Variants in NUP210 observed in about 807,000 individuals in gnomAD.
NUP210 encodes nuclear pore membrane glycoprotein 210.
Under a neutral mutation model 196.0 loss-of-function variants are expected in NUP210, and 151 were observed. The observed-to-expected ratio is 0.77, with a 90% CI of 0.67 to 0.88. The LOEUF (loss-of-function observed/expected upper bound fraction) is 0.88. NUP210 is among the 40% of genes least tolerant of loss of function. The probability of loss-of-function intolerance (pLI) is 0.00; values close to 1 mark genes in which losing one functional copy is unlikely to be tolerated. For synonymous variants in NUP210, 1,070 were observed against 1,052.7 expected (o/e 1.02, Z -0.32); for missense variants, 2,314 against 2,493.7 (o/e 0.93, Z 1.53).
At chr3:13,329,685 A>C (rs778903205) in intron 30 of NUP210, among the ~76,000 whole-genome samples, 1 of 152,242 alleles carries the variant, frequency 6.6e-6, no homozygotes, top group African/African-American at 2.4e-5. Flanking sequence ...GGCAGAGTCT[A>C]AAGATTTAAG....
chr3:13,420,255 T>A lies in NUP210; in HGVS notation c.-29A>T, dbSNP rs1576438428. The A allele has an allele frequency of 1.9e-6, 2 of 1,059,516 alleles. No homozygotes were observed. The highest frequency in any genetic ancestry group is 1.4e-4 in the East Asian group (2 of 14,700). 65.6% of individuals were successfully genotyped at this position (1,059,516 alleles called of 1,614,324 possible). On this transcript the variant is annotated 5_prime_UTR_variant, in exon 1 of 40. Coordinates refer to ENST00000254508, the MANE Select transcript of NUP210 (RefSeq NM_024923.4). The surrounding 1 kb of genome is among the most constrained non-coding windows in gnomAD (Gnocchi z 4.8). ...CGCCGCGCGTCACCTCCCGCGACCC[T>A]GCGCCCGGCCGCCCGCGCCGCCCCG...
rs762991262 is a variant in NUP210, at chr3:13,340,700, C to T, written c.3229-402G>A. Among the ~76,000 whole-genome samples the T allele has an allele frequency of 6.6e-6, 1 of 152,152 alleles. No individual in the cohort carries two copies. Among genetic ancestry groups the T allele is most frequent in the Non-Finnish European group, 1.5e-5 (1 of 68,012 alleles). On this transcript the variant is annotated intron_variant, in intron 23 of 39. Transcript: ENST00000254508. This position sits in a 1 kb window ranked among gnomAD's most constrained non-coding sequence, Gnocchi z 4.0. Reference sequence around the variant, plus strand: ...GCAATGTACAGCCCCAGCCACCTGGCCTGTGGAGCCAGGGGTGGCCCCACA... The same window carrying T: ...GCAATGTACAGCCCCAGCCACCTGGTCTGTGGAGCCAGGGGTGGCCCCACA...
intron 23 of NUP210, 111 bp downstream of exon 23, chr3:13,341,637 A>G (rs1225839000): frequency 7.8e-7 from 1 of 1,281,314 alleles, no homozygotes; most frequent in East Asian, 2.4e-5. Flanking sequence ...ATTGTGGGAC[A>G]CAGATTTTTA....
chr3:13,330,732 C>T (rs933339661), intron 29 of NUP210, 98 bp from the exon 30 acceptor site: 2 of 1,221,580 alleles, frequency 1.6e-6, no homozygotes, highest in Non-Finnish European at 2.3e-6. Context: ...GCTCCTCATG[C>T]TCCTGGGAGG....
At chr3:13,408,177 T>G (rs1238982425) in intron 1 of NUP210, among the ~76,000 whole-genome samples, 2 of 152,228 alleles carry the variant, frequency 1.3e-5, no homozygotes, top group Non-Finnish European at 2.9e-5. Context: ...ATTACACTGA[T>G]TTTTTAAAAA....
chr3:13,365,220 C>T (rs1698489601), intron 14 of NUP210, among the ~76,000 whole-genome samples: 1 of 152,212 alleles, frequency 6.6e-6, no homozygotes, highest in Non-Finnish European at 1.5e-5. Flanking sequence ...AATAACTAAC[C>T]CTTCCTGAGC....
At chr3:13,317,891 G>GTGTGTCC in intron 39 of NUP210, 110 bp from the exon 40 acceptor site, 1 of 747,330 alleles carries the variant, frequency 1.3e-6, no homozygotes, top group East Asian at 2.7e-5. Flanking sequence ...CACTCTCACA[G>GTGTGTCC]TGATGCCCCG....
chr3:13,344,976 C>T (rs1420425340), intron 20 of NUP210: 2 of 985,316 alleles, frequency 2.0e-6, no homozygotes, highest in African/African-American at 3.5e-5. Flanking sequence ...GGGGCTGGTC[C>T]TGCCGGGTGC....
chr3:13,338,256 A>C (rs1281329787), intron 25 of NUP210, among the ~76,000 whole-genome samples: 1 of 152,142 alleles, frequency 6.6e-6, no homozygotes, highest in Non-Finnish European at 1.5e-5. Flanking sequence ...CTCAAGCAAA[A>C]GGTCTCCAGG....
chr3:13,321,791 G>A lies in NUP210; in HGVS notation c.4960C>T (p.Gln1654Ter). 6.2e-7 allele frequency: 1 copy of A among 1,610,962 alleles called. No homozygotes were observed. Among genetic ancestry groups the A allele is most frequent in the Non-Finnish European group, 8.5e-7 (1 of 1,180,018 alleles). The stretch of plus-strand genomic sequence containing the variant: ...TTCTTCATGCTCAGGTGCTTCCGCT[G>A]CTTGTCCGTCAGCCTGTGCATTGTG... The part of the protein sequence containing the change: ...SITMHRLTDK[Q>*]RKHLSMKKTA... The change falls in exon 36 of 40, where the codon CAG (glutamine) becomes TAG (stop). Residue 1654 changes from glutamine (Q) to a stop codon, truncating the protein, a stop_gained. Transcript: ENST00000254508. LOFTEE classifies it high-confidence loss of function.
At position 13,418,216 on chromosome 3, in the gene NUP210, C is replaced by A. The variant is rs549167891; in HGVS notation, c.167+1844G>T. Among the ~76,000 whole-genome samples, 19 of 152,316 alleles carry A rather than the reference C, an allele frequency of 1.2e-4. No individual in the cohort carries two copies. In the South Asian group the frequency reaches 3.7e-3, roughly 30 times the overall value. ...TCTGGCATCAGGCCAGAAATAGGAG[C>A]CTCCAGGTGCATAAAGCACTAAAAC... On this transcript the variant is annotated intron_variant, in intron 1 of 39. Transcript: ENST00000254508.
intron 1 of NUP210, among the ~76,000 whole-genome samples, chr3:13,410,912 T>A (rs1405449701): frequency 9.9e-6 from 1 of 101,442 alleles, no homozygotes; most frequent in Non-Finnish European, 1.9e-5. Flanking sequence ...AGCAAGACTC[T>A]GTCTCAAAAA....
chr3:13,317,927 G>A (rs1696339337), intron 39 of NUP210, 146 bp from the exon 40 acceptor site: 3 of 619,438 alleles, frequency 4.8e-6, no homozygotes, highest in Admixed American at 2.9e-5. Flanking sequence ...GCAGAGGGAA[G>A]TCCACGGGCA....
chr3:13,380,433 TG>T (rs1699062940), intron 6 of NUP210, among the ~76,000 whole-genome samples: 1 of 152,152 alleles, frequency 6.6e-6, no homozygotes, highest in South Asian at 2.1e-4. Context: ...TCAATAGCCC[TG>T]GGAACACGCT....
At chr3:13,412,231 CTTT>C (rs71066953) in intron 1 of NUP210, among the ~76,000 whole-genome samples, 1 of 104,782 alleles carries the variant, frequency 9.5e-6, no homozygotes, top group Non-Finnish European at 1.8e-5. Flanking sequence ...TTTTCCTTTT[CTTT>C]TTTTTTTTTT....
intron 18 of NUP210, among the ~76,000 whole-genome samples, chr3:13,352,448 C>T (rs549548624): frequency 6.6e-6 from 1 of 152,238 alleles, no homozygotes; most frequent in African/African-American, 2.4e-5. Flanking sequence ...ACCCACCAGG[C>T]CCCAGTGGTG....
chr3:13,349,468 T>A (rs1697891073), intron 20 of NUP210, among the ~76,000 whole-genome samples: 1 of 152,146 alleles, frequency 6.6e-6, no homozygotes. Flanking sequence ...CCCGTGAGAA[T>A]ACTGGGGCCC....
intron 13 of NUP210, among the ~76,000 whole-genome samples, chr3:13,370,836 T>C (rs1356055754): frequency 1.3e-5 from 2 of 152,182 alleles, no homozygotes; most frequent in Non-Finnish European, 2.9e-5. Flanking sequence ...CCTCTGCCAA[T>C]AAAGCTTCCT....
At chr3:13,333,842 G>A (rs990211857) in intron 28 of NUP210, among the ~76,000 whole-genome samples, 1 of 152,168 alleles carries the variant, frequency 6.6e-6, no homozygotes, top group Admixed American at 6.5e-5. Flanking sequence ...TTAGATGGAG[G>A]GGGAGTTGTA....
Sources: allele counts gnomAD v4.1 joint callset (sites outside exome capture counted in the v4.1 genomes callset), GRCh38; gene constraint gnomAD v4.1.1; non-coding constraint Gnocchi (gnomAD v3.1); transcripts MANE v1.5; gene names NCBI Gene and HGNC (gene_info 2026-07-23, HGNC 2026-07-21).